The following DTWD2 variants were observed in gnomAD, a reference collection of about 807,000 sequenced individuals.
The protein encoded by DTWD2 is tRNA-uridine aminocarboxypropyltransferase 2.
In DTWD2, 39 loss-of-function variants were observed where a neutral mutation model predicts 31.8. The observed-to-expected ratio is 1.22, with a 90% confidence interval of 0.95 to 1.60. The LOEUF is 1.60. Among genes scored for constraint, DTWD2 ranks in the 40% most tolerant of loss-of-function variants. The pLI is 0.00. For synonymous variants in DTWD2, 180 were observed against 142.8 expected, an observed-to-expected ratio of 1.26 and a Z score of -1.86; for missense variants, 515 against 381.5, an observed-to-expected ratio of 1.35 and a Z score of -2.92.
chr5:118,880,997 T>G (rs924086825), intron 4 of DTWD2, among the ~76,000 whole-genome samples: 3 of 152,220 alleles, frequency 2.0e-5, no homozygotes, highest in African/African-American at 7.2e-5. Flanking sequence ...CTTAACTGAT[T>G]AGTAACTTCA....
chr5:118,889,544 A>C (rs903389888), intron 4 of DTWD2, among the ~76,000 whole-genome samples: 1 of 152,100 alleles, frequency 6.6e-6, no homozygotes, highest in African/African-American at 2.4e-5. Flanking sequence ...ATGTATATTT[A>C]TTTGTATATA....
At chr5:118,926,764 G>A (rs1368928173) in intron 4 of DTWD2, among the ~76,000 whole-genome samples, 1 of 151,992 alleles carries the variant, frequency 6.6e-6, no homozygotes, top group Non-Finnish European at 1.5e-5. Flanking sequence ...GAGTGCAGTG[G>A]CACAATCATA....
intron 4 of DTWD2, among the ~76,000 whole-genome samples, chr5:118,855,927 T>C (rs1158979821): frequency 6.6e-6 from 1 of 152,154 alleles, no homozygotes; most frequent in Non-Finnish European, 1.5e-5. Context: ...TTTTAATATT[T>C]ATAAAATAGA....
intron 3 of DTWD2, among the ~76,000 whole-genome samples, chr5:118,936,423 T>A (rs953011221): frequency 1.2e-4 from 18 of 151,872 alleles, no homozygotes; most frequent in African/African-American, 4.3e-4. Flanking sequence ...TACAGTGAGC[T>A]ATGTGTGTGC....
intron 4 of DTWD2, among the ~76,000 whole-genome samples, chr5:118,887,075 G>A (rs1335505376): frequency 6.6e-6 from 1 of 152,130 alleles, no homozygotes; most frequent in Non-Finnish European, 1.5e-5. Flanking sequence ...GCTATTACTA[G>A]CAAAAAAATT....
chr5:118,899,006 T>C (rs1753145271), intron 4 of DTWD2, among the ~76,000 whole-genome samples: 1 of 152,206 alleles, frequency 6.6e-6, no homozygotes, highest in Admixed American at 6.5e-5. Context: ...AGCAAAAATT[T>C]AGAGTTGCCC....
At chr5:118,897,332 T>C (rs73239013) in intron 4 of DTWD2, among the ~76,000 whole-genome samples, 10,159 of 152,260 alleles carry the variant, frequency 0.067, 1,133 homozygotes, top group African/African-American at 0.23. Context: ...CAGAAGCTCA[T>C]TAGAGACAGA....
At chr5:118,893,383 G>A (rs951021826) in intron 4 of DTWD2, among the ~76,000 whole-genome samples, 28 of 148,066 alleles carry the variant, frequency 1.9e-4, no homozygotes, top group African/African-American at 6.0e-4. Flanking sequence ...AAAAAAAAGT[G>A]GAAATGAGAC....
chr5:118,885,604 A>T (rs1217218052), intron 4 of DTWD2, among the ~76,000 whole-genome samples: 1 of 151,742 alleles, frequency 6.6e-6, no homozygotes, highest in African/African-American at 2.4e-5. Context: ...CGTCTCTACT[A>T]AAAATACAAA....
intron 1 of DTWD2, among the ~76,000 whole-genome samples, chr5:118,960,004 T>C: frequency 6.6e-6 from 1 of 152,104 alleles, no homozygotes; most frequent in East Asian, 1.9e-4. Context: ...AAAGATAAAC[T>C]AGAAAACACC....
chr5:118,840,779 C>A lies in DTWD2; in HGVS notation c.*138G>T. 2.4e-6 allele frequency: 2 copies of A among 850,332 alleles called. No homozygotes were observed. Among genetic ancestry groups the A allele is most frequent in the South Asian group, 3.2e-5 (1 of 31,176 alleles). The allele number at this position is 850,332 out of a possible 1,614,324, so 52.7% of individuals were successfully genotyped here. On this transcript the variant is annotated 3_prime_UTR_variant, in exon 6 of 6. Transcript: ENST00000510708. ...TTTGTATTTATGAATATTTGGTTTA[C>A]TTCCTTCTTCTGGGTAAGATTAGTA...
rs1440866380 is a variant in DTWD2, at chr5:118,988,307, A to C, written c.205T>G (p.Cys69Gly). The C allele has an allele frequency of 1.3e-6, 2 of 1,523,820 alleles. No homozygotes were observed. Among genetic ancestry groups the C allele is most frequent in the Admixed American group, 2.1e-5 (1 of 48,618 alleles). The allele number at this position is 1,523,820 out of a possible 1,614,324, so 94.4% of individuals were successfully genotyped here. The stretch of plus-strand genomic sequence containing the variant: ...CCCCGCGGTCACCTGCAGCGGGTGC[A>C]CTCAGGCCTCCGCTCGGCCGGCTCC... The part of the protein sequence containing the change: ...PVEPAERRPE[C>G]TRCSRPQKVC... Residue 69 changes from cysteine to glycine, a missense_variant, in exon 1 of 6, where the codon TGC (cysteine) becomes GGC (glycine). Cys to Gly is a radical substitution (Grantham distance 159, BLOSUM62 -3). Coordinates refer to ENST00000510708, the MANE Select transcript of DTWD2 (RefSeq NM_173666.4).
At chr5:118,972,590 G>A (rs1275783725) in intron 1 of DTWD2, among the ~76,000 whole-genome samples, 1 of 152,132 alleles carries the variant, frequency 6.6e-6, no homozygotes, top group Non-Finnish European at 1.5e-5. Context: ...ATTCCAAACA[G>A]TTGAAAAGAA....
chr5:118,950,213 C>CAAAAAAAAAAAAAAAAAAAAAAAAAAA (rs764214153), intron 1 of DTWD2, among the ~76,000 whole-genome samples: 1 of 49,600 alleles, frequency 2.0e-5, no homozygotes, highest in Non-Finnish European at 3.8e-5. Flanking sequence ...ACTCCATCTC[C>CAAAAAAAAAAAAAAAAAAAAAAAAAAA]AAAAAAAAAA....
chr5:118,934,290 A>G (rs1184793669), intron 3 of DTWD2, among the ~76,000 whole-genome samples: 3 of 147,796 alleles, frequency 2.0e-5, no homozygotes, highest in Non-Finnish European at 4.5e-5. Flanking sequence ...AAAAAAAAAA[A>G]AAAAAAAAAA....
intron 1 of DTWD2, among the ~76,000 whole-genome samples, chr5:118,974,931 A>T (rs1197658674): frequency 1.3e-5 from 2 of 152,228 alleles, no homozygotes; most frequent in Middle Eastern, 3.4e-3. Flanking sequence ...GGGTAACCCA[A>T]CCTTTCTCTC....
chr5:118,866,742 C>T (rs1048763681), intron 4 of DTWD2, among the ~76,000 whole-genome samples: 2 of 151,892 alleles, frequency 1.3e-5, no homozygotes, highest in African/African-American at 4.8e-5. Context: ...CGTGGTGAAA[C>T]CCCATCTCTA....
At chr5:118,853,575 G>A (rs1752063449) in intron 4 of DTWD2, among the ~76,000 whole-genome samples, 1 of 151,918 alleles carries the variant, frequency 6.6e-6, no homozygotes, top group African/African-American at 2.4e-5. Flanking sequence ...GCCATAGAAA[G>A]AATGAAATCA....
At chr5:118,943,468 A>G (rs1209825894) in intron 2 of DTWD2, among the ~76,000 whole-genome samples, 1 of 151,624 alleles carries the variant, frequency 6.6e-6, no homozygotes, top group Non-Finnish European at 1.5e-5. Context: ...GGAGAATGGC[A>G]TGAACCTGGA....
Sources: allele counts gnomAD v4.1 joint callset (sites outside exome capture counted in the v4.1 genomes callset), GRCh38; gene constraint gnomAD v4.1.1; transcripts MANE v1.5; gene names NCBI Gene and HGNC (gene_info 2026-07-23, HGNC 2026-07-21).